Variants in SOS1 observed in about 807,000 individuals in gnomAD.
SOS1 encodes the protein SOS Ras/Rac guanine nucleotide exchange factor 1, also known as son of sevenless homolog 1.
In SOS1, 25 loss-of-function variants were observed where a neutral mutation model predicts 157.6. That is an observed-to-expected ratio of 0.16 (90% CI 0.12 to 0.22). SOS1 has a LOEUF of 0.22. Ranked by LOEUF, SOS1 falls within the 10% of genes least tolerant of loss-of-function variation. The pLI, the probability that SOS1 is intolerant of heterozygous loss-of-function variation, is 1.00. For missense variants in SOS1, 1,237 were observed against 1,599.1 expected (o/e 0.77, Z 3.86); for synonymous variants, 528 against 534.0 (o/e 0.99, Z 0.16).
intron 2 of SOS1, among the ~76,000 whole-genome samples, chr2:39,065,500 G>A (rs1473171247): frequency 6.6e-6 from 1 of 152,148 alleles, no homozygotes; most frequent in Admixed American, 6.5e-5. Flanking sequence ...TTGTAACTAT[G>A]TTACTTATGA....
chr2:39,094,700 T>A (rs1672711203), intron 1 of SOS1, among the ~76,000 whole-genome samples: 1 of 151,840 alleles, frequency 6.6e-6, no homozygotes, highest in South Asian at 2.1e-4. Flanking sequence ...GAGGGGGTTC[T>A]GAGACCGAAA....
intron 1 of SOS1, among the ~76,000 whole-genome samples, chr2:39,098,802 T>C (rs1474855870): frequency 1.3e-5 from 2 of 152,128 alleles, no homozygotes; most frequent in Admixed American, 6.5e-5. Context: ...GGCAGGAGAA[T>C]TGCCTGAACC....
intron 8 of SOS1, among the ~76,000 whole-genome samples, chr2:39,024,550 T>G (rs1370263540): frequency 6.6e-6 from 1 of 151,980 alleles, no homozygotes; most frequent in Non-Finnish European, 1.5e-5. Flanking sequence ...TTATATAATA[T>G]TGAGATGATA....
intron 1 of SOS1, among the ~76,000 whole-genome samples, chr2:39,073,692 G>GGT (rs1275181204): frequency 6.6e-6 from 1 of 152,162 alleles, no homozygotes; most frequent in Non-Finnish European, 1.5e-5. Context: ...AAGGGATTTA[G>GGT]GTGTATATCG....
intron 1 of SOS1, among the ~76,000 whole-genome samples, chr2:39,117,711 T>C (rs1282232431): frequency 1.3e-5 from 2 of 152,056 alleles, no homozygotes; most frequent in Non-Finnish European, 2.9e-5. Flanking sequence ...GTGAACCCCA[T>C]TAAGAAGTTA....
In SOS1 at chr2:39,072,423, G is replaced by C. The variant is rs906764904; in HGVS notation, c.88-4670C>G. On this transcript the variant is annotated intron_variant, in intron 1 of 22. Transcript: ENST00000402219. ...GTGTGATGGTAAGACTAGAGAGTCTGTTTGGTTGTTTGGTTGATTTCAGGA... is the reference window on the plus strand; with the variant it reads ...GTGTGATGGTAAGACTAGAGAGTCTCTTTGGTTGTTTGGTTGATTTCAGGA... 2.6e-5 allele frequency among the ~76,000 whole-genome samples: 4 copies of C among 152,286 alleles called. No individual in the cohort carries two copies. In the South Asian group the frequency reaches 6.2e-4, roughly 24 times the overall value.
At chr2:39,003,722 T>G (rs879486304) in intron 17 of SOS1, among the ~76,000 whole-genome samples, 10 of 152,132 alleles carry the variant, frequency 6.6e-5, no homozygotes, top group Non-Finnish European at 1.5e-4. Context: ...CACTCAAACT[T>G]ATAAAGTTCA....
chr2:39,026,425 T>C (rs1669967213), intron 8 of SOS1, among the ~76,000 whole-genome samples: 2 of 151,628 alleles, frequency 1.3e-5, no homozygotes, highest in South Asian at 4.2e-4. Context: ...TAACGAAAGA[T>C]ATTTTCCAAA....
At chr2:39,070,334 T>G (rs1671753280) in intron 1 of SOS1, among the ~76,000 whole-genome samples, 1 of 152,198 alleles carries the variant, frequency 6.6e-6, no homozygotes, top group South Asian at 2.1e-4. Context: ...TCAGTCAAGT[T>G]CCTTTCATTT....
intron 6 of SOS1, among the ~76,000 whole-genome samples, chr2:39,038,003 G>T (rs1670417845): frequency 6.6e-6 from 1 of 152,128 alleles, no homozygotes; most frequent in Non-Finnish European, 1.5e-5. Context: ...GATTAATGTT[G>T]TTTTCAAGTC....
intron 1 of SOS1, chr2:39,082,747 TCAAC>T (rs1672251900): frequency 6.6e-6 from 1 of 152,200 alleles, no homozygotes; most frequent in African/African-American, 2.4e-5. Context: ...GATCTGGAAT[TCAAC>T]CAATCACCTA....
chr2:39,034,835 T>C (rs1670288192), intron 8 of SOS1: 2 of 458,510 alleles, frequency 4.4e-6, no homozygotes, highest in South Asian at 1.5e-5. Context: ...AGTCCCTGAG[T>C]CTGCTGAGGT....
chr2:39,039,550 G>A (rs2124571638), intron 6 of SOS1, among the ~76,000 whole-genome samples: 1 of 152,190 alleles, frequency 6.6e-6, no homozygotes, highest in South Asian at 2.1e-4. Flanking sequence ...CTACTTATAT[G>A]GTTGTGCGCC....
intron 17 of SOS1, among the ~76,000 whole-genome samples, chr2:39,005,133 C>T (rs1483479286): frequency 2.0e-5 from 3 of 152,208 alleles, no homozygotes; most frequent in Middle Eastern, 6.8e-3. Flanking sequence ...TACATACATA[C>T]GTATGAGCTT....
chr2:39,006,059 T>C (rs542889022), intron 17 of SOS1, among the ~76,000 whole-genome samples: 9 of 152,258 alleles, frequency 5.9e-5, no homozygotes, highest in Admixed American at 5.9e-4. Flanking sequence ...CACACTATGA[T>C]TTTTAGCCAT....
intron 8 of SOS1, among the ~76,000 whole-genome samples, chr2:39,024,703 A>G (rs1669901761): frequency 6.6e-6 from 1 of 152,182 alleles, no homozygotes. Context: ...CATTTGCCAA[A>G]TAAGGCTTAT....
At chr2:38,989,420 T>C (rs1668659344) in intron 20 of SOS1, 106 bp from the exon 21 acceptor site, 6 of 749,826 alleles carry the variant, frequency 8.0e-6, no homozygotes, top group Non-Finnish European at 1.2e-5. Context: ...ATTGTCGTTT[T>C]AAAGAATGCT....
At position 39,007,081 on chromosome 2, in the gene SOS1, C is replaced by G; in HGVS notation, c.2623G>C (p.Val875Leu). ...LNNFNGVLEV[V>L]SAMNSSPVYR... ...ACAGGTGATGAATTCATAGCACTGA[C>G]AACCTCAAGGACACCATTAAAGTTG... The change falls in exon 16 of 23, where the codon GTC becomes CTC. Residue 875 changes from valine to leucine, a missense_variant. Around this residue, in one of 15 missense-constraint regions of SOS1, gnomAD observed 105 missense variants for 236.0 expected, o/e 0.44. Coordinates refer to ENST00000402219, the MANE Select transcript of SOS1 (RefSeq NM_005633.4). 2 of 1,611,332 alleles carry G rather than the reference C, an allele frequency of 1.2e-6. No individual in the cohort carries two copies. The highest frequency in any genetic ancestry group is 1.7e-6 in the Non-Finnish European group (2 of 1,177,594).
At chr2:39,024,681 TCTTA>T (rs991532161) in intron 8 of SOS1, among the ~76,000 whole-genome samples, 1 of 152,136 alleles carries the variant, frequency 6.6e-6, no homozygotes, top group East Asian at 1.9e-4. Flanking sequence ...GATCTCTGAG[TCTTA>T]CTTTTCCCAT....
Sources: gnomAD v4.1 joint callset for allele counts (sites outside exome capture counted in the v4.1 genomes callset) on GRCh38, gnomAD v4.1.1 for gene constraint, gnomAD v4.1.1 regional missense constraint, MANE v1.5 for transcripts, NCBI Gene and HGNC (gene_info 2026-07-23, HGNC 2026-07-21) for gene names.